Variants in STK33 observed in about 807,000 individuals in gnomAD.
STK33 encodes the protein serine/threonine kinase 33.
A neutral mutation model predicts 58.0 loss-of-function variants in STK33; 52 were observed. The observed-to-expected ratio is 0.90, with a 90% CI of 0.72 to 1.13. STK33 has a LOEUF of 1.13. STK33 is among the 50% of genes most tolerant of loss of function. The pLI, the probability that STK33 is intolerant of heterozygous loss-of-function variation, is 0.00. For synonymous variants in STK33, 215 were observed against 200.1 expected, an observed-to-expected ratio of 1.07 and a Z score of -0.63; for missense variants, 630 against 604.2, an observed-to-expected ratio of 1.04 and a Z score of -0.45.
chr11:8,425,364 T>C (rs1942586207), intron 14 of STK33, among the ~76,000 whole-genome samples: 1 of 152,212 alleles, frequency 6.6e-6, no homozygotes, highest in African/African-American at 2.4e-5. Flanking sequence ...TTGCTACCAG[T>C]ACCATGCTGT....
intron 11 of STK33, among the ~76,000 whole-genome samples, chr11:8,442,472 TC>T (rs1222333975): frequency 6.6e-6 from 1 of 152,116 alleles, no homozygotes; most frequent in Non-Finnish European, 1.5e-5. Context: ...TGCACTGTCA[TC>T]CCAGCCCTCA....
At chr11:8,534,090 C>G (rs1954766328) in intron 1 of STK33, among the ~76,000 whole-genome samples, 1 of 152,028 alleles carries the variant, frequency 6.6e-6, no homozygotes, top group Non-Finnish European at 1.5e-5. Context: ...GCCTGGCCAA[C>G]ATGGTGAAAA....
chr11:8,393,720 G>A (rs1215135804), intron 15 of STK33, among the ~76,000 whole-genome samples: 1 of 152,180 alleles, frequency 6.6e-6, no homozygotes, highest in Non-Finnish European at 1.5e-5. Context: ...TGATAAGATG[G>A]TGTGTAACAC....
the STK33 span, among the ~76,000 whole-genome samples, chr11:8,347,296 G>C: frequency 6.6e-6 from 1 of 152,188 alleles, no homozygotes; most frequent in African/African-American, 2.4e-5. Context: ...AGCGTGGCTG[G>C]ACCAGCTCCC....
chr11:8,370,000 G>C, the STK33 span, among the ~76,000 whole-genome samples: 1 of 152,196 alleles, frequency 6.6e-6, no homozygotes, highest in Admixed American at 6.5e-5. Context: ...CTGAGTCTCT[G>C]TCTCAGGCCC....
At chr11:8,339,841 A>T in the STK33 span, among the ~76,000 whole-genome samples, 1 of 151,992 alleles carries the variant, frequency 6.6e-6, no homozygotes, top group Non-Finnish European at 1.5e-5. Flanking sequence ...CTCCTTTCCC[A>T]TCTCCTCCCT....
At chr11:8,492,679 T>C (rs550217448) in intron 1 of STK33, among the ~76,000 whole-genome samples, 4 of 152,270 alleles carry the variant, frequency 2.6e-5, no homozygotes, top group Admixed American at 6.5e-5. Context: ...TATTCCAAAA[T>C]TGACCACATA....
chr11:8,405,539 C>G (rs999208184), intron 15 of STK33, among the ~76,000 whole-genome samples: 1 of 152,136 alleles, frequency 6.6e-6, no homozygotes, highest in African/African-American at 2.4e-5. Context: ...TTTTAACATG[C>G]TTTTGATGAG....
intron 1 of STK33, among the ~76,000 whole-genome samples, chr11:8,551,240 C>A (rs1004198241): frequency 2.6e-5 from 4 of 152,048 alleles, no homozygotes; most frequent in African/African-American, 9.7e-5. Flanking sequence ...AGTGATTCTC[C>A]TGCCTCGGCC....
At chr11:8,455,872 G>A (rs1591214443) in intron 9 of STK33, among the ~76,000 whole-genome samples, 1 of 144,594 alleles carries the variant, frequency 6.9e-6, no homozygotes, top group African/African-American at 2.5e-5. Flanking sequence ...TGCATTGAAT[G>A]AGTCCTGCAC....
chr11:8,513,230 C>T (rs984854827), intron 1 of STK33, among the ~76,000 whole-genome samples: 4 of 152,154 alleles, frequency 2.6e-5, no homozygotes, highest in African/African-American at 9.7e-5. Context: ...TCAAGGAAAT[C>T]AAGAACCTGC....
At chr11:8,548,584 T>G (rs1434016433) in intron 1 of STK33, among the ~76,000 whole-genome samples, 2 of 152,242 alleles carry the variant, frequency 1.3e-5, no homozygotes, top group Non-Finnish European at 2.9e-5. Context: ...TTCTTTTGAC[T>G]ATTCAGAGTC....
intron 12 of STK33, among the ~76,000 whole-genome samples, chr11:8,438,109 T>C (rs995350980): frequency 1.3e-5 from 2 of 152,220 alleles, no homozygotes; most frequent in South Asian, 2.1e-4. Context: ...TGCCTCTGCA[T>C]TGCCTGACTA....
rs552154400 is a variant in STK33, at chr11:8,395,103, T to A, written c.1345-2393A>T. Among the ~76,000 whole-genome samples, 63 of 152,286 alleles carry A rather than the reference T, an allele frequency of 4.1e-4. 1 individual carries two copies. The South Asian group carries it at 0.013, about 31-fold the overall frequency. ...CACTGTCATTTCCATTGGTTGCAGG[T>A]CAAAAACAGTCTAATAATGGCAATT... On this transcript the variant is annotated intron_variant, in intron 15 of 15. Transcript: ENST00000687296.
At chr11:8,469,212 A>G (rs796496289) in intron 6 of STK33, among the ~76,000 whole-genome samples, 17 of 152,376 alleles carry the variant, frequency 1.1e-4, no homozygotes, top group African/African-American at 3.6e-4. Flanking sequence ...ACTTCTTTCA[A>G]AACTGAAGTT....
chr11:8,584,437 C>A (rs1327315011), intron 1 of STK33, among the ~76,000 whole-genome samples: 2 of 152,164 alleles, frequency 1.3e-5, no homozygotes, highest in Non-Finnish European at 2.9e-5. Context: ...GGCTGCTCAA[C>A]AAGACTAGAA....
rs1362047240 is a variant in STK33, at chr11:8,560,268, AT to A, written c.-466+33814del. Among the ~76,000 whole-genome samples the A allele has an allele frequency of 2.6e-5, 4 of 152,148 alleles. No individual in the cohort carries two copies. The East Asian group carries it at 7.7e-4, about 29-fold the overall frequency. On this transcript the variant is annotated intron_variant, in intron 1 of 15. Transcript: ENST00000687296. ...ATTTTACCACATTCTGTCATTAGAT[AT>A]TTTTGAACTTTTTCATCTTTCTCAA...
intron 1 of STK33, among the ~76,000 whole-genome samples, chr11:8,545,211 T>C (rs1955819725): frequency 3.3e-5 from 5 of 152,120 alleles, no homozygotes; most frequent in Admixed American, 3.3e-4. Flanking sequence ...ACAATCAAAA[T>C]AAATCCATTA....
chr11:8,401,383 T>G (rs973506636), intron 15 of STK33, among the ~76,000 whole-genome samples: 3 of 152,194 alleles, frequency 2.0e-5, no homozygotes, highest in Non-Finnish European at 2.9e-5. Flanking sequence ...ATTCCCTATT[T>G]AATAAATGGT....
Sources: allele counts gnomAD v4.1 joint callset (sites outside exome capture counted in the v4.1 genomes callset), GRCh38; gene constraint gnomAD v4.1.1; transcripts MANE v1.5; gene names NCBI Gene and HGNC (gene_info 2026-07-23, HGNC 2026-07-21).